The following TXLNB variants were observed in gnomAD, a reference collection of about 807,000 sequenced individuals.
TXLNB encodes taxilin beta.
TXLNB carries 37 observed loss-of-function variants against 57.4 expected under a neutral mutation model. The ratio of observed to expected loss-of-function variants is 0.64; its 90% CI spans 0.50 to 0.85. The LOEUF is 0.85. Ranked by LOEUF, TXLNB falls within the 40% of genes least tolerant of loss-of-function variation. The pLI is 0.00. For missense variants in TXLNB, 848 were observed against 825.6 expected, an observed-to-expected ratio of 1.03 and a Z score of -0.33; for synonymous variants, 302 against 309.6, an observed-to-expected ratio of 0.98 and a Z score of 0.26.
downstream of TXLNB, among the ~76,000 whole-genome samples, chr6:139,238,053 T>C (rs1188931002): frequency 6.6e-6 from 1 of 152,196 alleles, no homozygotes; most frequent in African/African-American, 2.4e-5. Context: ...GATTCTTTTT[T>C]ATAGTTTGTT....
chr6:139,216,926 G>A, the TXLNB span, among the ~76,000 whole-genome samples: 1 of 152,132 alleles, frequency 6.6e-6, no homozygotes, highest in East Asian at 1.9e-4. Flanking sequence ...ACACTGCTCG[G>A]GTGTACCTGA....
the TXLNB span, among the ~76,000 whole-genome samples, chr6:139,211,661 T>A: frequency 6.6e-6 from 1 of 152,082 alleles, no homozygotes; most frequent in African/African-American, 2.4e-5. Flanking sequence ...AGAGGAAGGC[T>A]TCAGAAGATC....
At chr6:139,282,027 TCCTC>T (rs964493634) in intron 2 of TXLNB, among the ~76,000 whole-genome samples, 25 of 151,604 alleles carry the variant, frequency 1.6e-4, no homozygotes, top group African/African-American at 6.1e-4. Context: ...CTGTAAACTC[TCCTC>T]CCTGTCAAGG....
rs1776907216 is a variant in TXLNB at position 139,276,765 on chromosome 6, C to T, written c.516+65G>A. 4.0e-6 allele frequency: 5 copies of T among 1,248,148 alleles called. No homozygotes were observed. The East Asian group carries it at 1.2e-4, about 29-fold the overall frequency. The allele number at this position is 1,248,148 out of a possible 1,614,324, so 77.3% of individuals were successfully genotyped here. ...CTCGGATTGGCAGGTGTTTGTTGTT[C>T]CTTGAAGCTAGAGGCACTGGGCTCA... On this transcript the variant is annotated intron_variant, in intron 3 of 9. Coordinates refer to ENST00000358430, the MANE Select transcript of TXLNB (RefSeq NM_153235.4).
the TXLNB span, among the ~76,000 whole-genome samples, chr6:139,317,909 T>A: frequency 4.4e-3 from 672 of 152,014 alleles, 3 homozygotes; most frequent in African/African-American, 0.016. Context: ...GAGAATTTTT[T>A]AAAAAATTTA....
intron 6 of TXLNB, among the ~76,000 whole-genome samples, chr6:139,259,056 G>A (rs566139203): frequency 1.8e-4 from 28 of 152,186 alleles, no homozygotes; most frequent in African/African-American, 6.5e-4. Context: ...CAGGTCTGTA[G>A]CACTGTCTGT....
At chr6:139,212,142 T>G in the TXLNB span, among the ~76,000 whole-genome samples, 1 of 151,924 alleles carries the variant, frequency 6.6e-6, no homozygotes, top group South Asian at 2.1e-4. Context: ...ACAAAGATAC[T>G]CCTCGAGAAG....
chr6:139,210,941 C>T, the TXLNB span, among the ~76,000 whole-genome samples: 1 of 152,236 alleles, frequency 6.6e-6, no homozygotes, highest in Non-Finnish European at 1.5e-5. Flanking sequence ...GGGAGGGGCA[C>T]CTGCCACTGC....
chr6:139,305,440 AT>A, the TXLNB span, among the ~76,000 whole-genome samples: 2,597 of 151,674 alleles, frequency 0.017, 72 homozygotes, highest in African/African-American at 0.059. Flanking sequence ...CATTAAAACA[AT>A]TTTTTTTTGG....
chr6:139,161,980 G>A, the TXLNB span, among the ~76,000 whole-genome samples: 1 of 152,188 alleles, frequency 6.6e-6, no homozygotes, highest in African/African-American at 2.4e-5. Flanking sequence ...AGGTCTGACT[G>A]TCTAGGATTA....
At chr6:139,286,610 T>C (rs963020814) in intron 2 of TXLNB, among the ~76,000 whole-genome samples, 1 of 152,210 alleles carries the variant, frequency 6.6e-6, no homozygotes, top group Admixed American at 6.5e-5. Context: ...GGAACTGGGC[T>C]GCACGGCAGG....
the TXLNB span, among the ~76,000 whole-genome samples, chr6:139,212,354 C>T: frequency 6.6e-6 from 1 of 152,096 alleles, no homozygotes; most frequent in Non-Finnish European, 1.5e-5. Flanking sequence ...ATTTTCAACC[C>T]AGAATTTCAT....
chr6:139,277,057 T>G (rs970506643), intron 2 of TXLNB, 136 bp from the exon 3 acceptor site: 4 of 635,300 alleles, frequency 6.3e-6, no homozygotes, highest in Non-Finnish European at 1.0e-5. Context: ...GTAATTTTCT[T>G]TCCTATAGAA....
the TXLNB span, among the ~76,000 whole-genome samples, chr6:139,302,550 G>T: frequency 6.6e-6 from 1 of 150,854 alleles, no homozygotes; most frequent in Non-Finnish European, 1.5e-5. Flanking sequence ...GATTGCCTGA[G>T]GTCAGGAGTT....
At chr6:139,197,688 C>T in the TXLNB span, 1 of 152,240 alleles carries the variant, frequency 6.6e-6, no homozygotes, top group East Asian at 1.9e-4. Context: ...GTGCTGCTAT[C>T]ACAGAATACC....
At chr6:139,228,853 C>T in the TXLNB span, among the ~76,000 whole-genome samples, 797 of 152,254 alleles carry the variant, frequency 5.2e-3, 7 homozygotes, top group African/African-American at 0.018. Context: ...TAGTCTCCTG[C>T]CCCACTTTCA....
At chr6:139,224,481 C>CA in the TXLNB span, among the ~76,000 whole-genome samples, 752 of 149,516 alleles carry the variant, frequency 5.0e-3, 17 homozygotes, top group Admixed American at 0.045. Flanking sequence ...TTTAAAACTT[C>CA]AAAAAAAAAT....
the TXLNB span, among the ~76,000 whole-genome samples, chr6:139,219,021 T>C: frequency 1.3e-5 from 2 of 152,162 alleles, no homozygotes; most frequent in African/African-American, 4.8e-5. Flanking sequence ...CTAGTGTAGT[T>C]CATTCATACT....
intron 7 of TXLNB, among the ~76,000 whole-genome samples, chr6:139,249,240 GATAAA>G (rs1488930829): frequency 1.3e-5 from 2 of 152,178 alleles, no homozygotes; most frequent in African/African-American, 4.8e-5. Context: ...TAATGACAGT[GATAAA>G]ATAATAAAAT....
Sources: gnomAD v4.1 joint callset for allele counts (sites outside exome capture counted in the v4.1 genomes callset) on GRCh38, gnomAD v4.1.1 for gene constraint, MANE v1.5 for transcripts, NCBI Gene and HGNC (gene_info 2026-07-23, HGNC 2026-07-21) for gene names.